AGTPBP1: variants seen among roughly 807,000 people sequenced by gnomAD.
AGTPBP1 encodes the protein ATP/GTP binding carboxypeptidase 1, also known as cytosolic carboxypeptidase 1.
A neutral mutation model predicts 143.9 loss-of-function variants in AGTPBP1; 70 were observed. The ratio of observed to expected loss-of-function variants is 0.49; its 90% CI spans 0.40 to 0.59. The LOEUF is 0.59. AGTPBP1 is among the 20% of genes least tolerant of loss of function. AGTPBP1 has a pLI of 0.00. For synonymous variants in AGTPBP1, 463 were observed against 500.2 expected, an observed-to-expected ratio of 0.93 and a Z score of 0.99; for missense variants, 1,229 against 1,464.5, an observed-to-expected ratio of 0.84 and a Z score of 2.62.
intron 1 of AGTPBP1, among the ~76,000 whole-genome samples, chr9:85,717,426 C>A (rs932214172): frequency 6.6e-6 from 1 of 152,202 alleles, no homozygotes; most frequent in Non-Finnish European, 1.5e-5. Flanking sequence ...CACTTGAGCA[C>A]GGGAGGTTAA....
chr9:85,731,812 T>C (rs1031857661), intron 1 of AGTPBP1, among the ~76,000 whole-genome samples: 17 of 152,212 alleles, frequency 1.1e-4, no homozygotes, highest in African/African-American at 4.1e-4. Context: ...CCTATTTTAT[T>C]GTCATTAATT....
chr9:85,629,715 T>C (rs1018395134), intron 14 of AGTPBP1, among the ~76,000 whole-genome samples: 2 of 152,232 alleles, frequency 1.3e-5, no homozygotes, highest in Admixed American at 6.5e-5. Context: ...CATATTGATA[T>C]ATACAATCAA....
At chr9:85,699,419 A>G (rs897566323) in intron 2 of AGTPBP1, among the ~76,000 whole-genome samples, 1 of 152,210 alleles carries the variant, frequency 6.6e-6, no homozygotes, top group Non-Finnish European at 1.5e-5. Context: ...TGAATATGGC[A>G]AAAGTCCCAA....
At chr9:85,656,371 T>A (rs937763050) in intron 10 of AGTPBP1, among the ~76,000 whole-genome samples, 7 of 152,168 alleles carry the variant, frequency 4.6e-5, no homozygotes, top group African/African-American at 1.7e-4. Flanking sequence ...TAACTCTTTC[T>A]CATATATAAA....
intron 11 of AGTPBP1, among the ~76,000 whole-genome samples, chr9:85,652,465 T>C (rs1833227572): frequency 6.6e-6 from 1 of 152,084 alleles, no homozygotes; most frequent in South Asian, 2.1e-4. Flanking sequence ...TGAGCTGAGA[T>C]CGCACCACTG....
At chr9:85,772,642 A>G in the AGTPBP1 span, among the ~76,000 whole-genome samples, 1 of 151,992 alleles carries the variant, frequency 6.6e-6, no homozygotes, top group Non-Finnish European at 1.5e-5. Flanking sequence ...GGTCCCAGCT[A>G]TGTGGGAGGC....
At chr9:85,743,904 C>G (rs1168528556), upstream of AGTPBP1, among the ~76,000 whole-genome samples, 1 of 140,214 alleles carries the variant, frequency 7.1e-6, no homozygotes, top group Non-Finnish European at 1.5e-5. Context: ...AGTTGTTTTT[C>G]TTTTTCTTTT....
At chr9:85,764,383 A>T in the AGTPBP1 span, among the ~76,000 whole-genome samples, 1 of 151,986 alleles carries the variant, frequency 6.6e-6, no homozygotes. Context: ...ACAAAAAATT[A>T]GCTGCACATG....
chr9:85,765,920 A>G, the AGTPBP1 span, among the ~76,000 whole-genome samples: 5 of 152,144 alleles, frequency 3.3e-5, no homozygotes, highest in Admixed American at 1.3e-4. Context: ...TGAAAGGAAC[A>G]TTATAGCCCT....
chr9:85,752,618 T>C, the AGTPBP1 span, among the ~76,000 whole-genome samples: 1 of 152,226 alleles, frequency 6.6e-6, no homozygotes, highest in African/African-American at 2.4e-5. Flanking sequence ...CCTTTCTTCT[T>C]AGATATGCTA....
chr9:85,702,293 T>A (rs1236141480), intron 2 of AGTPBP1, among the ~76,000 whole-genome samples: 4 of 152,220 alleles, frequency 2.6e-5, no homozygotes, highest in Non-Finnish European at 5.9e-5. Context: ...GTCTTACACA[T>A]CTAACCTTTT....
intron 25 of AGTPBP1, among the ~76,000 whole-genome samples, chr9:85,559,242 T>C (rs894283062): frequency 1.3e-5 from 2 of 152,140 alleles, no homozygotes; most frequent in African/African-American, 4.8e-5. Flanking sequence ...ATTTTTATTA[T>C]ACAACACAAA....
At chr9:85,574,443 G>A (rs1453121409) in intron 25 of AGTPBP1, among the ~76,000 whole-genome samples, 2 of 133,142 alleles carry the variant, frequency 1.5e-5, no homozygotes, top group African/African-American at 5.7e-5. Flanking sequence ...TCCCCCCTGC[G>A]AGAAACACCC....
the AGTPBP1 span, among the ~76,000 whole-genome samples, chr9:85,752,181 T>C: frequency 6.6e-6 from 1 of 151,944 alleles, no homozygotes; most frequent in Non-Finnish European, 1.5e-5. Flanking sequence ...GAGGTTGCAG[T>C]GAGCTGAGAT....
chr9:85,627,921 G>A (rs1831404806), intron 14 of AGTPBP1, among the ~76,000 whole-genome samples: 1 of 152,236 alleles, frequency 6.6e-6, no homozygotes, highest in African/African-American at 2.4e-5. Flanking sequence ...CCGGCCAACA[G>A]TAAGCTATTA....
In AGTPBP1 at chr9:85,616,044, G is replaced by C. The variant is rs1188103955; in HGVS notation, c.2335+2939C>G. 2.0e-5 allele frequency among the ~76,000 whole-genome samples: 3 copies of C among 151,916 alleles called. No individual in the cohort carries two copies. The East Asian group carries it at 5.8e-4, about 29-fold the overall frequency. On this transcript the variant is annotated intron_variant, in intron 17 of 25. Coordinates refer to ENST00000357081, the MANE Select transcript of AGTPBP1 (RefSeq NM_001330701.2). ...CAGAACATGAAATTGCATTGGTTAT[G>C]AGTCTTCTTTTTTAAAAAATAAATG... is the stretch of plus-strand genomic sequence containing the variant.
intron 6 of AGTPBP1, among the ~76,000 whole-genome samples, chr9:85,676,147 A>T (rs1365423647): frequency 6.6e-6 from 1 of 152,242 alleles, no homozygotes; most frequent in African/African-American, 2.4e-5. Flanking sequence ...GGTCTGGGCA[A>T]AATTTAGTAA....
At chr9:85,682,726 T>C (rs900302082) in intron 3 of AGTPBP1, among the ~76,000 whole-genome samples, 1 of 152,142 alleles carries the variant, frequency 6.6e-6, no homozygotes, top group Non-Finnish European at 1.5e-5. Flanking sequence ...GAACAACAGA[T>C]AGTGAGGCCC....
At chr9:85,754,239 T>C in the AGTPBP1 span, among the ~76,000 whole-genome samples, 1 of 152,232 alleles carries the variant, frequency 6.6e-6, no homozygotes, top group Non-Finnish European at 1.5e-5. Flanking sequence ...TCGCCCAGGC[T>C]GGAGTGCTGT....
Sources: gnomAD v4.1 joint callset for allele counts (sites outside exome capture counted in the v4.1 genomes callset) on GRCh38, gnomAD v4.1.1 for gene constraint, MANE v1.5 for transcripts, NCBI Gene and HGNC (gene_info 2026-07-23, HGNC 2026-07-21) for gene names.